FANCC: variants seen among roughly 807,000 people sequenced by gnomAD.
FANCC encodes the protein FA complementation group C.
FANCC carries 55 observed loss-of-function variants against 71.3 expected under a neutral mutation model. The ratio of observed to expected loss-of-function variants is 0.77; its 90% CI spans 0.62 to 0.97. The LOEUF is 0.97. Ranked by LOEUF, FANCC falls within the 50% of genes least tolerant of loss-of-function variation. FANCC has a pLI of 0.00. For synonymous variants in FANCC, 275 were observed against 244.9 expected (o/e 1.12, Z -1.15); for missense variants, 678 against 670.9 (o/e 1.01, Z -0.12).
At chr9:95,224,624 C>T (rs555853528) in intron 4 of FANCC, among the ~76,000 whole-genome samples, 4 of 152,154 alleles carry the variant, frequency 2.6e-5, no homozygotes, top group Non-Finnish European at 5.9e-5. Flanking sequence ...TCCCCTATCA[C>T]CCCCGCTCCC....
rs1031971984 is a variant in FANCC, at chr9:95,292,415, G to A, written c.-79+25111C>T. On this transcript the variant is annotated intron_variant, in intron 1 of 14. Transcript: ENST00000289081. ...GTGCCCGCGCCGTCCCGGCGGCCAC[G>A]AGAGGAGCCTCCGCCGCCGCCTCGG... The A allele has an allele frequency of 1.3e-5, 14 of 1,087,668 alleles. No homozygotes were observed. In the South Asian group the frequency reaches 1.7e-4, roughly 14 times the overall value. The allele number at this position is 1,087,668 out of a possible 1,614,324, so 67.4% of individuals were successfully genotyped here.
chr9:95,253,165 T>C (rs969796430), intron 1 of FANCC, among the ~76,000 whole-genome samples: 1 of 152,224 alleles, frequency 6.6e-6, no homozygotes, highest in Non-Finnish European at 1.5e-5. Flanking sequence ...TGATCCTCAA[T>C]ATGCTGCTCC....
intron 1 of FANCC, among the ~76,000 whole-genome samples, chr9:95,272,237 C>T (rs371920823): frequency 6.6e-6 from 1 of 151,976 alleles, no homozygotes; most frequent in Admixed American, 6.6e-5. Flanking sequence ...CGCGCCCGGC[C>T]CCGCCTCCTC....
intron 1 of FANCC, among the ~76,000 whole-genome samples, chr9:95,291,173 G>A (rs1047817170): frequency 3.3e-5 from 5 of 152,046 alleles, no homozygotes; most frequent in Non-Finnish European, 7.4e-5. Context: ...ACAATACAAC[G>A]AGGTCCACTC....
chr9:95,235,844 CAAAAAAAAAAAAAAA>C lies in FANCC; in HGVS notation c.345+4790_345+4804del, dbSNP rs10666439. Among the ~76,000 whole-genome samples the C allele has an allele frequency of 8.3e-5, 3 of 36,226 alleles. No homozygotes were observed. The South Asian group carries it at 7.0e-3, about 85-fold the overall frequency. 23.8% of individuals were successfully genotyped at this position (36,226 alleles called of 152,430 possible). ...GGGCAACAAGAGTGAAACTCCACCT[CAAAAAAAAAAAAAAA>C]AAAAAAAAAAAGCAACAAGGGGCAC... On this transcript the variant is annotated intron_variant, in intron 4 of 14. Coordinates refer to ENST00000289081, the MANE Select transcript of FANCC (RefSeq NM_000136.3).
intron 1 of FANCC, chr9:95,293,843 A>G (rs1437474831): frequency 1.9e-6 from 3 of 1,612,226 alleles, no homozygotes; most frequent in African/African-American, 2.7e-5. Flanking sequence ...TACAAAGTCC[A>G]ACGGATGACC....
In FANCC at chr9:95,201,416, C is replaced by T. The variant is rs148542408; in HGVS notation, c.346-29269G>A. Among the ~76,000 whole-genome samples the T allele has an allele frequency of 3.1e-3, 466 of 152,204 alleles. 3 individuals carry two copies. Among genetic ancestry groups the T allele is most frequent in the African/African-American group, 0.011 (444 of 41,520 alleles). On this transcript the variant is annotated intron_variant, in intron 4 of 14. Coordinates refer to ENST00000289081, the MANE Select transcript of FANCC (RefSeq NM_000136.3). The stretch of plus-strand genomic sequence containing the variant: ...GGCGTGAAGTTCCATTTGAAAGTCA[C>T]TAACAAAACCTTTGGAAATGTTAAG...
intron 6 of FANCC, among the ~76,000 whole-genome samples, chr9:95,170,149 A>G (rs1481251518): frequency 6.6e-6 from 1 of 152,202 alleles, no homozygotes; most frequent in African/African-American, 2.4e-5. Context: ...TACATAATTC[A>G]AAAGATCCAT....
intron 8 of FANCC, among the ~76,000 whole-genome samples, chr9:95,129,854 C>T (rs749026550): frequency 2.6e-5 from 4 of 152,166 alleles, no homozygotes; most frequent in Non-Finnish European, 5.9e-5. Context: ...TCTGCCCTCC[C>T]TCTTGTATAG....
At chr9:95,115,401 C>A (rs1207782058) in intron 11 of FANCC, among the ~76,000 whole-genome samples, 1 of 152,142 alleles carries the variant, frequency 6.6e-6, no homozygotes, top group African/African-American at 2.4e-5. Flanking sequence ...TAGACGGAGA[C>A]TGTAGTAAAG....
chr9:95,263,788 G>A (rs941086119), intron 1 of FANCC, among the ~76,000 whole-genome samples: 9 of 152,078 alleles, frequency 5.9e-5, no homozygotes, highest in Non-Finnish European at 8.8e-5. Context: ...GGGACCCTGG[G>A]CCCTCAGCCA....
chr9:95,177,516 G>A (rs1007206351), intron 4 of FANCC, among the ~76,000 whole-genome samples: 11 of 152,064 alleles, frequency 7.2e-5, no homozygotes, highest in Non-Finnish European at 1.0e-4. Context: ...TTAGCTTACC[G>A]CAACTTTCAA....
At chr9:95,198,872 G>C (rs966192016) in intron 4 of FANCC, among the ~76,000 whole-genome samples, 1 of 152,034 alleles carries the variant, frequency 6.6e-6, no homozygotes, top group Non-Finnish European at 1.5e-5. Context: ...CAAGTAGCTA[G>C]GACAACAGGT....
chr9:95,128,115 A>G (rs898899262), intron 8 of FANCC, among the ~76,000 whole-genome samples: 5 of 152,248 alleles, frequency 3.3e-5, no homozygotes, highest in African/African-American at 9.6e-5. Flanking sequence ...GAACTTAGGC[A>G]TGTCAGTTAA....
chr9:95,245,955 T>C (rs1830945077), intron 3 of FANCC, among the ~76,000 whole-genome samples: 1 of 152,080 alleles, frequency 6.6e-6, no homozygotes, highest in South Asian at 2.1e-4. Flanking sequence ...CAAAATCTTA[T>C]TGTACTATAC....
intron 1 of FANCC, among the ~76,000 whole-genome samples, chr9:95,264,751 A>G (rs1471250187): frequency 6.6e-6 from 1 of 152,192 alleles, no homozygotes; most frequent in Admixed American, 6.5e-5. Flanking sequence ...CTTCCAATCA[A>G]TCAATGTCAT....
At chr9:95,218,407 G>A (rs1829013201) in intron 4 of FANCC, among the ~76,000 whole-genome samples, 1 of 152,174 alleles carries the variant, frequency 6.6e-6, no homozygotes, top group South Asian at 2.1e-4. Flanking sequence ...CAAGGCTGCA[G>A]TGAGCTATGA....
intron 4 of FANCC, among the ~76,000 whole-genome samples, chr9:95,216,052 A>T (rs1828845093): frequency 6.6e-6 from 1 of 152,226 alleles, no homozygotes; most frequent in Non-Finnish European, 1.5e-5. Flanking sequence ...TAGATGAAAA[A>T]GCAGCAGGTG....
intron 1 of FANCC, among the ~76,000 whole-genome samples, chr9:95,279,947 C>CA (rs71498957): frequency 0.053 from 3,348 of 63,440 alleles, 92 homozygotes; most frequent in East Asian, 0.098. Context: ...GACTCTGTCT[C>CA]AAAAAAAAAA....
Sources: allele counts gnomAD v4.1 joint callset (sites outside exome capture counted in the v4.1 genomes callset), GRCh38; gene constraint gnomAD v4.1.1; transcripts MANE v1.5; gene names NCBI Gene and HGNC (gene_info 2026-07-23, HGNC 2026-07-21).